The following PACS1 variants were observed in gnomAD, a reference collection of about 807,000 sequenced individuals.
The protein encoded by PACS1 is phosphofurin acidic cluster sorting protein 1, also known as PACS-1.
A neutral mutation model predicts 115.0 loss-of-function variants in PACS1; 24 were observed. That is an observed-to-expected ratio of 0.21 (90% CI 0.15 to 0.29). The LOEUF (loss-of-function observed/expected upper bound fraction) is 0.29, where lower values mean the gene tolerates loss of function less well. PACS1 is among the 10% of genes least tolerant of loss of function. PACS1 has a pLI of 1.00. For missense variants in PACS1, 838 were observed against 1,251.2 expected, an observed-to-expected ratio of 0.67 and a Z score of 4.98; for synonymous variants, 453 against 504.5, an observed-to-expected ratio of 0.90 and a Z score of 1.37.
intron 1 of PACS1, among the ~76,000 whole-genome samples, chr11:66,174,533 A>G (rs1249532874): frequency 6.6e-6 from 1 of 152,228 alleles, no homozygotes; most frequent in Non-Finnish European, 1.5e-5. Flanking sequence ...GTGTCCACCA[A>G]CTTGTAAATG....
At chr11:66,174,342 C>G (rs1003645471) in intron 1 of PACS1, among the ~76,000 whole-genome samples, 1 of 42,836 alleles carries the variant, frequency 2.3e-5, no homozygotes, top group Non-Finnish European at 4.7e-5. Context: ...AATGGCATAG[C>G]CACTTTGGAA....
intron 1 of PACS1, among the ~76,000 whole-genome samples, chr11:66,154,765 A>G (rs1446692952): frequency 6.6e-6 from 1 of 152,208 alleles, no homozygotes; most frequent in African/African-American, 2.4e-5. Context: ...CTACAAATTC[A>G]TCTGTAGATT....
intron 21 of PACS1, among the ~76,000 whole-genome samples, chr11:66,240,156 G>T (rs1012252120): frequency 6.6e-6 from 1 of 152,256 alleles, no homozygotes; most frequent in Admixed American, 6.5e-5. Context: ...CTGCTGAGGC[G>T]CTAGAGCTGG....
intron 1 of PACS1, among the ~76,000 whole-genome samples, chr11:66,142,760 G>GA (rs994005935): frequency 2.1e-4 from 32 of 150,448 alleles, no homozygotes; most frequent in Non-Finnish European, 2.4e-4. Flanking sequence ...TCTACTAAGA[G>GA]AAAAAAAAAG....
intron 2 of PACS1, among the ~76,000 whole-genome samples, chr11:66,204,086 G>C (rs1410258436): frequency 2.6e-5 from 4 of 152,072 alleles, no homozygotes; most frequent in Non-Finnish European, 5.9e-5. Context: ...GGCCAGGCAC[G>C]GTGGCTCATG....
chr11:66,092,996 C>T (rs532366247), intron 1 of PACS1, among the ~76,000 whole-genome samples: 2,609 of 152,188 alleles, frequency 0.017, 83 homozygotes, highest in African/African-American at 0.06. Context: ...CTTGGTGATG[C>T]GGGCCCTTTT....
Position 66,172,974 on chromosome 11 carries a change from C to CAAA in PACS1, c.357-20496_357-20494dup, listed in dbSNP as rs10684950. Among the ~76,000 whole-genome samples the CAAA allele has an allele frequency of 1.9e-3, 165 of 88,324 alleles. 3 individuals are homozygous for CAAA. Among genetic ancestry groups the CAAA allele is most frequent in the East Asian group, 9.7e-3 (30 of 3,082 alleles). The allele number at this position is 88,324 out of a possible 152,430, so 57.9% of individuals were successfully genotyped here. On this transcript the variant is annotated intron_variant, in intron 1 of 23. Transcript: ENST00000320580. ...CTGGTGACACAGCGAGACTCTGTCT[C>CAAA]AAAAAAAAAAAAAAAAAAGTGTTAT...
chr11:66,081,504 G>A (rs1035083736), intron 1 of PACS1, among the ~76,000 whole-genome samples: 2 of 152,106 alleles, frequency 1.3e-5, no homozygotes, highest in African/African-American at 4.8e-5. Flanking sequence ...AGATTTCCTC[G>A]GTGGGACCAT....
At chr11:66,201,248 G>A (rs1854787842) in intron 2 of PACS1, among the ~76,000 whole-genome samples, 1 of 151,934 alleles carries the variant, frequency 6.6e-6, no homozygotes, top group African/African-American at 2.4e-5. Flanking sequence ...ATAATATCAG[G>A]CATCTTCCCT....
chr11:66,118,876 G>C (rs535258713), intron 1 of PACS1, among the ~76,000 whole-genome samples: 1 of 151,168 alleles, frequency 6.6e-6, no homozygotes, highest in African/African-American at 2.4e-5. Context: ...TTGAGCATCT[G>C]TGTCAGCTAG....
At chr11:66,106,379 C>G (rs1325278382) in intron 1 of PACS1, among the ~76,000 whole-genome samples, 1 of 152,130 alleles carries the variant, frequency 6.6e-6, no homozygotes, top group Non-Finnish European at 1.5e-5. Context: ...CAAGACCAAC[C>G]TGGCCAACAT....
chr11:66,227,015 T>C (rs1400392392), intron 10 of PACS1, among the ~76,000 whole-genome samples: 2 of 152,216 alleles, frequency 1.3e-5, no homozygotes, highest in African/African-American at 4.8e-5. Context: ...GCTTAGTATA[T>C]CCTGTTAGAG....
At chr11:66,131,221 A>G (rs372012557) in intron 1 of PACS1, among the ~76,000 whole-genome samples, 1 of 152,228 alleles carries the variant, frequency 6.6e-6, no homozygotes, top group African/African-American at 2.4e-5. Context: ...TAAGTAATGC[A>G]TGATTGCTTA....
At chr11:66,179,885 T>A (rs56285664) in intron 1 of PACS1, among the ~76,000 whole-genome samples, 1 of 152,060 alleles carries the variant, frequency 6.6e-6, no homozygotes, top group Non-Finnish European at 1.5e-5. Context: ...AGAGTCTCCC[T>A]CTTTTGCCCA....
At chr11:66,139,536 C>T (rs1858931123) in intron 1 of PACS1, among the ~76,000 whole-genome samples, 1 of 146,968 alleles carries the variant, frequency 6.8e-6, no homozygotes, top group African/African-American at 2.5e-5. Context: ...CATCCTTCTA[C>T]TCTTTGTCTC....
chr11:66,155,763 G>T (rs897469450), intron 1 of PACS1, among the ~76,000 whole-genome samples: 1 of 152,112 alleles, frequency 6.6e-6, no homozygotes, highest in African/African-American at 2.4e-5. Context: ...AAACGCAGAG[G>T]CTTCTCCATG....
At chr11:66,189,828 G>A (rs1248627178) in intron 1 of PACS1, among the ~76,000 whole-genome samples, 2 of 152,216 alleles carry the variant, frequency 1.3e-5, no homozygotes, top group Non-Finnish European at 2.9e-5. Context: ...TGCAAAAGTT[G>A]ATCATACACA....
intron 4 of PACS1, among the ~76,000 whole-genome samples, chr11:66,214,661 AC>A (rs1855158479): frequency 8.0e-6 from 1 of 125,520 alleles, no homozygotes; most frequent in African/African-American, 3.1e-5. Flanking sequence ...TCACTCTGTC[AC>A]CCAGGCTGGA....
intron 1 of PACS1, chr11:66,121,207 C>T (rs1316133075): frequency 1.5e-5 from 6 of 405,082 alleles, no homozygotes; most frequent in East Asian, 7.2e-5. Flanking sequence ...ATGCTGCTGT[C>T]GTGATTGTTT....
Sources: allele counts gnomAD v4.1 joint callset (sites outside exome capture counted in the v4.1 genomes callset), GRCh38; gene constraint gnomAD v4.1.1; transcripts MANE v1.5; gene names NCBI Gene and HGNC (gene_info 2026-07-23, HGNC 2026-07-21).